ANXA13: variants seen among roughly 807,000 people sequenced by gnomAD.
The protein encoded by ANXA13 is annexin A13.
A neutral mutation model predicts 46.6 loss-of-function variants in ANXA13; 36 were observed. The observed-to-expected ratio is 0.77, with a 90% CI of 0.59 to 1.02. ANXA13 has a LOEUF of 1.02. Ranked by LOEUF, ANXA13 falls within the 50% of genes least tolerant of loss-of-function variation. ANXA13 has a pLI of 0.00. For missense variants in ANXA13, 417 were observed against 396.5 expected (o/e 1.05, Z -0.44); for synonymous variants, 163 against 152.9 (o/e 1.07, Z -0.49).
intron 6 of ANXA13, among the ~76,000 whole-genome samples, chr8:123,694,951 T>C (rs1371111340): frequency 6.6e-6 from 1 of 151,784 alleles, no homozygotes; most frequent in African/African-American, 2.4e-5. Context: ...TAAAGATGAG[T>C]GTGTCCATAA....
At chr8:123,691,230 A>C (rs1406670709) in intron 8 of ANXA13, among the ~76,000 whole-genome samples, 1 of 152,192 alleles carries the variant, frequency 6.6e-6, no homozygotes, top group Non-Finnish European at 1.5e-5. Flanking sequence ...GTGATCTCAG[A>C]CTAGCATCTC....
In ANXA13 at chr8:123,695,521, A is replaced by T. The variant is rs1361600936; in HGVS notation, c.452T>A (p.Ile151Asn). 1.9e-6 allele frequency: 3 copies of T among 1,613,396 alleles called. No homozygotes were observed. The highest frequency in any genetic ancestry group is 1.3e-5 in the African/African-American group (1 of 74,860). ...TCTTACCTGCAGCAGAGACACCAGG[A>T]TTTTTTTTAGGTTTCCACTTGTATC... is the stretch of plus-strand genomic sequence containing the variant. ...KGDTSGNLKK[I>N]LVSLLQANRN... is the part of the protein sequence containing the mutation. The change falls in exon 6 of 11, where the codon ATC (isoleucine) becomes AAC (asparagine). Residue 151 changes from isoleucine to asparagine, a missense_variant. Transcript: ENST00000419625.
chr8:123,734,702 C>T (rs1426819371), intron 1 of ANXA13, among the ~76,000 whole-genome samples: 2 of 150,768 alleles, frequency 1.3e-5, no homozygotes, highest in Non-Finnish European at 3.0e-5. Context: ...TGGACATATT[C>T]TTGGGGGAAT....
intron 1 of ANXA13, chr8:123,735,897 A>G (rs1009850452): frequency 6.3e-7 from 1 of 1,576,824 alleles, no homozygotes; most frequent in Admixed American, 1.9e-5. Context: ...AAAAAAAAAT[A>G]CATAAAAATG....
chr8:123,707,879 A>G (rs927373872), intron 2 of ANXA13, among the ~76,000 whole-genome samples: 8 of 152,146 alleles, frequency 5.3e-5, no homozygotes, highest in African/African-American at 1.7e-4. Flanking sequence ...AATCTATGAA[A>G]TTTTAAAGCT....
intron 6 of ANXA13, among the ~76,000 whole-genome samples, chr8:123,694,706 C>T (rs985390859): frequency 3.9e-5 from 6 of 152,160 alleles, no homozygotes; most frequent in Non-Finnish European, 4.4e-5. Context: ...AAGGACTCAG[C>T]GAACCCAAAT....
At chr8:123,722,240 G>A (rs1813888108) in intron 1 of ANXA13, among the ~76,000 whole-genome samples, 1 of 152,076 alleles carries the variant, frequency 6.6e-6, no homozygotes, top group East Asian at 1.9e-4. Flanking sequence ...TTGAGGCCAG[G>A]AAGTTGAGGT....
chr8:123,704,522 G>C (rs1813506055), intron 2 of ANXA13, among the ~76,000 whole-genome samples: 1 of 151,806 alleles, frequency 6.6e-6, no homozygotes, highest in South Asian at 2.1e-4. Flanking sequence ...TCAGCCTCCC[G>C]AGTAGCTGGG....
At chr8:123,712,276 T>G (rs540894016) in intron 2 of ANXA13, 19 of 200,742 alleles carry the variant, frequency 9.5e-5, no homozygotes, top group Non-Finnish European at 6.2e-5. Flanking sequence ...TCTTCTGCCA[T>G]GCTTGTGAGG....
chr8:123,703,346 G>A (rs1484206265), intron 2 of ANXA13, among the ~76,000 whole-genome samples: 2 of 151,444 alleles, frequency 1.3e-5, no homozygotes, highest in Admixed American at 6.6e-5. Flanking sequence ...CTGGGGGTGG[G>A]TGGGCTGCCT....
intron 4 of ANXA13, among the ~76,000 whole-genome samples, chr8:123,697,084 A>G (rs1260374995): frequency 6.6e-6 from 1 of 152,050 alleles, no homozygotes; most frequent in Admixed American, 6.6e-5. Flanking sequence ...TAATTTTTGT[A>G]TTTTTAGTAG....
chr8:123,735,835 T>C, intron 1 of ANXA13: 2 of 1,612,572 alleles, frequency 1.2e-6, no homozygotes, highest in South Asian at 1.1e-5. Flanking sequence ...GAGTCCCCTT[T>C]AGGCAACTGT....
intron 8 of ANXA13, among the ~76,000 whole-genome samples, chr8:123,691,465 G>A (rs899657875): frequency 3.3e-5 from 5 of 152,182 alleles, no homozygotes; most frequent in African/African-American, 9.7e-5. Flanking sequence ...GGCACTGTCT[G>A]TTCACCCAGG....
chr8:123,722,211 G>A (rs2129923246), intron 1 of ANXA13, among the ~76,000 whole-genome samples: 1 of 152,112 alleles, frequency 6.6e-6, no homozygotes, highest in South Asian at 2.1e-4. Context: ...GGAGGCTGAG[G>A]CTGAAGCAGG....
At chr8:123,683,956 A>G (rs189538990) in intron 10 of ANXA13, among the ~76,000 whole-genome samples, 3 of 152,238 alleles carry the variant, frequency 2.0e-5, no homozygotes, top group Non-Finnish European at 4.4e-5. Context: ...ATACATACAC[A>G]TTCTCCGAGA....
intron 6 of ANXA13, among the ~76,000 whole-genome samples, chr8:123,694,806 G>A (rs1013370552): frequency 6.6e-6 from 1 of 152,204 alleles, no homozygotes; most frequent in Non-Finnish European, 1.5e-5. Context: ...GAGGTGCTAA[G>A]TTTGTGGCGA....
In ANXA13 at chr8:123,734,530, A is replaced by G. The variant is rs984000218; in HGVS notation, c.15+2790T>C. 2.0e-5 allele frequency among the ~76,000 whole-genome samples: 3 copies of G among 152,134 alleles called. No homozygotes were observed. In the East Asian group the frequency reaches 5.8e-4, roughly 29 times the overall value. On this transcript the variant is annotated intron_variant, in intron 1 of 10. Coordinates refer to ENST00000419625, the MANE Select transcript of ANXA13 (RefSeq NM_004306.4). ...AACACTAGGTCTTTGGTTCAAAAAA[A>G]TCATTAATAGTGGCAAAAGAATTGA...
At chr8:123,732,780 G>A (rs1023931814) in intron 1 of ANXA13, among the ~76,000 whole-genome samples, 1 of 152,026 alleles carries the variant, frequency 6.6e-6, no homozygotes, top group Non-Finnish European at 1.5e-5. Context: ...AATGAAGAAG[G>A]TATGCATTGG....
intron 3 of ANXA13, among the ~76,000 whole-genome samples, chr8:123,702,018 T>G (rs755042633): frequency 2.2e-4 from 34 of 152,164 alleles, no homozygotes; most frequent in Non-Finnish European, 4.3e-4. Context: ...TGGTAAAAGT[T>G]TGAAAAATAT....
Sources: allele counts gnomAD v4.1 joint callset (sites outside exome capture counted in the v4.1 genomes callset), GRCh38; gene constraint gnomAD v4.1.1; transcripts MANE v1.5; gene names NCBI Gene and HGNC (gene_info 2026-07-23, HGNC 2026-07-21).